The following TSNARE1 variants were observed in gnomAD, a reference collection of about 807,000 sequenced individuals.
TSNARE1 encodes the protein t-SNARE domain containing 1.
A neutral mutation model predicts 62.0 loss-of-function variants in TSNARE1; 49 were observed. The observed-to-expected ratio is 0.79, with a 90% CI of 0.63 to 1.00. The LOEUF is 1.00. Ranked by LOEUF, TSNARE1 falls within the 50% of genes least tolerant of loss-of-function variation. The probability of loss-of-function intolerance (pLI) is 0.00; values close to 1 mark genes in which losing one functional copy is unlikely to be tolerated. For synonymous variants in TSNARE1, 328 were observed against 294.4 expected (o/e 1.11, Z -1.17); for missense variants, 755 against 700.1 (o/e 1.08, Z -0.88).
chr8:142,269,256 C>A (rs1819312246), intron 12 of TSNARE1, among the ~76,000 whole-genome samples: 1 of 152,144 alleles, frequency 6.6e-6, no homozygotes, highest in East Asian at 1.9e-4. Context: ...AGGGCTAAGT[C>A]AGTGACCAGG....
intron 2 of TSNARE1, among the ~76,000 whole-genome samples, chr8:142,352,684 A>C (rs977583372): frequency 1.3e-5 from 2 of 152,174 alleles, no homozygotes; most frequent in African/African-American, 4.8e-5. Context: ...GGAGCAACGC[A>C]AATCGTCTGA....
At chr8:142,278,480 C>G in intron 11 of TSNARE1, 1 of 985,448 alleles carries the variant, frequency 1.0e-6, no homozygotes, top group Non-Finnish European at 1.2e-6. Flanking sequence ...AGGGGAGGGT[C>G]CAGCGGGGCT....
intron 9 of TSNARE1, among the ~76,000 whole-genome samples, chr8:142,310,048 G>C (rs1334362700): frequency 6.6e-6 from 1 of 151,606 alleles, no homozygotes; most frequent in Non-Finnish European, 1.5e-5. Context: ...TTAATGTGTA[G>C]GACTGGTAAT....
chr8:142,390,323 C>T (rs1015120931), intron 1 of TSNARE1, among the ~76,000 whole-genome samples: 2 of 147,616 alleles, frequency 1.4e-5, no homozygotes, highest in African/African-American at 5.1e-5. Flanking sequence ...CTGTACACTG[C>T]GGGGGACTCC....
Position 142,316,920 on chromosome 8 carries a change from C to T in TSNARE1, c.984+1624G>A, listed in dbSNP as rs142781039. Among the ~76,000 whole-genome samples, 8 of 152,050 alleles carry T rather than the reference C, an allele frequency of 5.3e-5. No homozygotes were observed. The East Asian group carries it at 9.7e-4, about 19-fold the overall frequency. On this transcript the variant is annotated intron_variant, in intron 7 of 13. Transcript: ENST00000524325. The stretch of plus-strand genomic sequence containing the variant: ...TTCCCCTGTAGGACTGGCTGAGCCA[C>T]GCTGCTGGCTCTGCAGCAGGCCGAA...
intron 13 of TSNARE1, among the ~76,000 whole-genome samples, chr8:142,223,051 T>TTCACTCAGTCAC (rs1306144431): frequency 9.3e-6 from 1 of 107,856 alleles, no homozygotes. Flanking sequence ...CACTCACTCA[T>TTCACTCAGTCAC]TCACTCATTC....
chr8:142,344,786 T>C (rs915031433), intron 3 of TSNARE1, among the ~76,000 whole-genome samples: 3 of 152,202 alleles, frequency 2.0e-5, no homozygotes, highest in East Asian at 1.9e-4. Context: ...GCAGGCTAGG[T>C]TGCGGCCCTG....
Position 142,344,154 on chromosome 8 carries a change from T to C in TSNARE1, c.557A>G (p.His186Arg). 1 of 1,613,240 alleles carries C rather than the reference T, an allele frequency of 6.2e-7. No homozygotes were observed. Residue 186 changes from histidine (H) to arginine (R), a missense_variant, in exon 4 of 14, where the codon CAC becomes CGC. Coordinates refer to ENST00000524325, the MANE Select transcript of TSNARE1 (RefSeq NM_145003.5). ...GACGGCTCGTAGGTCCCGCCACTTGTGCTTCAGGTCCACAACGTCGCGGCG... is the reference window on the plus strand; with the variant it reads ...GACGGCTCGTAGGTCCCGCCACTTGCGCTTCAGGTCCACAACGTCGCGGCG... ...YCRRDVVDLK[H>R]KWRDLRAVVR...
intron 10 of TSNARE1, among the ~76,000 whole-genome samples, chr8:142,299,165 C>T (rs985185192): frequency 6.6e-6 from 1 of 152,190 alleles, no homozygotes; most frequent in East Asian, 1.9e-4. Flanking sequence ...CGCTCCTCCA[C>T]CAGGTCAAAG....
intron 4 of TSNARE1, among the ~76,000 whole-genome samples, chr8:142,335,705 T>C (rs2129690336): frequency 6.6e-6 from 1 of 152,340 alleles, no homozygotes; most frequent in Non-Finnish European, 1.5e-5. Flanking sequence ...GGCCTTACAC[T>C]TAATGATGCA....
intron 12 of TSNARE1, among the ~76,000 whole-genome samples, chr8:142,258,723 G>A (rs1818715116): frequency 6.6e-6 from 1 of 152,104 alleles, no homozygotes. Context: ...GTTTTGCCAT[G>A]TTGGGCCAGG....
intron 12 of TSNARE1, among the ~76,000 whole-genome samples, chr8:142,237,072 CG>C (rs1817468782): frequency 1.7e-4 from 1 of 5,716 alleles, no homozygotes; most frequent in African/African-American, 1.9e-4. Context: ...GGTTCCAGAA[CG>C]GCGGGGTGGG....
intron 9 of TSNARE1, among the ~76,000 whole-genome samples, chr8:142,302,628 G>A (rs1036545900): frequency 1.3e-5 from 2 of 152,112 alleles, no homozygotes; most frequent in Non-Finnish European, 2.9e-5. Context: ...GAAAGGCCCC[G>A]CAAAGCACGG....
intron 13 of TSNARE1, among the ~76,000 whole-genome samples, chr8:142,212,926 C>G (rs1401799271): frequency 5.2e-5 from 6 of 115,848 alleles, no homozygotes; most frequent in African/African-American, 2.1e-4. Flanking sequence ...CCTCCCTCCC[C>G]CTCCCTCTCT....
intron 13 of TSNARE1, among the ~76,000 whole-genome samples, chr8:142,219,660 G>C (rs533204398): frequency 6.6e-6 from 1 of 152,204 alleles, no homozygotes; most frequent in Admixed American, 6.5e-5. Flanking sequence ...CTGCCTTCCT[G>C]CCTGTCCATT....
At position 142,274,827 on chromosome 8, in the gene TSNARE1, T is replaced by C; in HGVS notation, c.1400A>G (p.His467Arg). The stretch of plus-strand genomic sequence containing the variant: ...CAGGAGCTGGCGGGCTGCCTCCGCA[T>C]GCGAGGACGCAGCCTCAAGGCTGGC... ...IEASLEAASS[H>R]AEAARQLLAG... The change falls in exon 12 of 14, where the codon CAT becomes CGT. Residue 467 changes from histidine (H) to arginine (R), a missense_variant. His to Arg is a conservative substitution (Grantham distance 29). Transcript: ENST00000524325. The C allele has an allele frequency of 6.3e-7, 1 of 1,581,098 alleles. No homozygotes were observed. Among genetic ancestry groups the C allele is most frequent in the East Asian group, 2.4e-5 (1 of 42,034 alleles).
chr8:142,274,547 A>G (rs1820114031), intron 12 of TSNARE1: 1 of 985,256 alleles, frequency 1.0e-6, no homozygotes, highest in Admixed American at 6.1e-5. Flanking sequence ...GGTGCATACA[A>G]GAGAGGAGAC....
intron 1 of TSNARE1, among the ~76,000 whole-genome samples, chr8:142,397,174 G>C (rs1314419160): frequency 6.7e-6 from 1 of 149,216 alleles, no homozygotes; most frequent in African/African-American, 2.5e-5. Context: ...ACAGGAGAGA[G>C]GCAGCTCCGC....
At chr8:142,385,017 CAT>C (rs1367478158) in intron 1 of TSNARE1, among the ~76,000 whole-genome samples, 3 of 151,162 alleles carry the variant, frequency 2.0e-5, no homozygotes, top group African/African-American at 4.9e-5. Flanking sequence ...AAGTATCACA[CAT>C]GATAGAGACA....
Sources: allele counts gnomAD v4.1 joint callset (sites outside exome capture counted in the v4.1 genomes callset), GRCh38; gene constraint gnomAD v4.1.1; transcripts MANE v1.5; gene names NCBI Gene and HGNC (gene_info 2026-07-23, HGNC 2026-07-21).